The following INPP5A variants were observed in gnomAD, a reference collection of about 807,000 sequenced individuals.
The protein encoded by INPP5A is inositol polyphosphate-5-phosphatase A.
Under a neutral mutation model 65.2 loss-of-function variants are expected in INPP5A, and 14 were observed. The observed-to-expected ratio is 0.21, with a 90% CI of 0.14 to 0.34. The LOEUF (loss-of-function observed/expected upper bound fraction) is 0.34, where lower values mean the gene tolerates loss of function less well. INPP5A is among the 10% of genes least tolerant of loss of function. The pLI, the probability that INPP5A is intolerant of heterozygous loss-of-function variation, is 1.00. For synonymous variants in INPP5A, 207 were observed against 208.3 expected, an observed-to-expected ratio of 0.99 and a Z score of 0.05; for missense variants, 431 against 545.6, an observed-to-expected ratio of 0.79 and a Z score of 2.09.
intron 2 of INPP5A, among the ~76,000 whole-genome samples, chr10:132,645,184 A>G (rs1289786165): frequency 6.7e-6 from 1 of 148,588 alleles, no homozygotes; most frequent in African/African-American, 2.5e-5. Flanking sequence ...GGGACCTCAG[A>G]GACATGTCGG....
At chr10:132,710,640 G>A (rs1221003446) in intron 8 of INPP5A, among the ~76,000 whole-genome samples, 184 bp downstream of exon 8, 3 of 151,540 alleles carry the variant, frequency 2.0e-5, no homozygotes, top group African/African-American at 4.9e-5. Context: ...GCAGGTAGGT[G>A]TGCTGGGCAG....
At chr10:132,598,500 G>A (rs578094752) in intron 1 of INPP5A, among the ~76,000 whole-genome samples, 1 of 152,274 alleles carries the variant, frequency 6.6e-6, no homozygotes, top group Admixed American at 6.5e-5. Context: ...TACATTCTTT[G>A]TCTTTTTGTG....
At chr10:132,556,050 G>T (rs886398980) in intron 1 of INPP5A, among the ~76,000 whole-genome samples, 1 of 151,890 alleles carries the variant, frequency 6.6e-6, no homozygotes, top group Admixed American at 6.6e-5. Context: ...GGCCCCTGAA[G>T]TGGAGGAGCC....
At position 132,644,269 on chromosome 10, in the gene INPP5A, C is replaced by T. The variant is rs111443947; in HGVS notation, c.118-1599C>T. On this transcript the variant is annotated intron_variant, in intron 2 of 15. Coordinates refer to ENST00000368594, the MANE Select transcript of INPP5A (RefSeq NM_005539.5). This position sits in a 1 kb window ranked among gnomAD's most constrained non-coding sequence, Gnocchi z 6.5. ...CCCACTCGGTGCATCCACGCAGAGGCGGCTGCGAACTCAGGCACGGCCGCC... is the reference window on the plus strand; with the variant it reads ...CCCACTCGGTGCATCCACGCAGAGGTGGCTGCGAACTCAGGCACGGCCGCC... Among the ~76,000 whole-genome samples the T allele has an allele frequency of 5.4e-3, 819 of 152,324 alleles. 9 individuals are homozygous for T. Among genetic ancestry groups the T allele is most frequent in the African/African-American group, 0.018 (769 of 41,568 alleles).
Position 132,702,000 on chromosome 10 carries a change from C to T in INPP5A, c.474+4081C>T, listed in dbSNP as rs190358238. Among the ~76,000 whole-genome samples, 534 of 152,350 alleles carry T rather than the reference C, an allele frequency of 3.5e-3. 5 individuals are homozygous for T. The highest frequency in any genetic ancestry group is 0.012 in the African/African-American group (515 of 41,580). ...CTCTGTGAGGACTCTCCCTGCACCGCGCATCCCACCCTAAACCCAAGGATG... is the reference window on the plus strand; with the variant it reads ...CTCTGTGAGGACTCTCCCTGCACCGTGCATCCCACCCTAAACCCAAGGATG... On this transcript the variant is annotated intron_variant, in intron 6 of 15. Transcript: ENST00000368594.
At chr10:132,576,564 C>T (rs1166939995) in intron 1 of INPP5A, among the ~76,000 whole-genome samples, 4 of 152,226 alleles carry the variant, frequency 2.6e-5, no homozygotes, top group Non-Finnish European at 5.9e-5. Context: ...CATCCACCCT[C>T]TCTGGGGCCT....
chr10:132,623,185 A>G (rs935845583), intron 2 of INPP5A, among the ~76,000 whole-genome samples: 1 of 152,262 alleles, frequency 6.6e-6, no homozygotes, highest in African/African-American at 2.4e-5. Context: ...TAGAATAGCC[A>G]GAACAGTTAA....
At chr10:132,749,149 C>T (rs1295869310) in intron 9 of INPP5A, among the ~76,000 whole-genome samples, 5 of 152,254 alleles carry the variant, frequency 3.3e-5, no homozygotes, top group African/African-American at 9.6e-5. Flanking sequence ...AGAGAGCGAG[C>T]GGGAGGAGGC....
At chr10:132,631,364 C>T (rs535839609) in intron 2 of INPP5A, among the ~76,000 whole-genome samples, 2 of 152,168 alleles carry the variant, frequency 1.3e-5, no homozygotes, top group Non-Finnish European at 1.5e-5. Context: ...AGCCCAGCCC[C>T]GAAGGGACCT....
At chr10:132,599,498 C>T (rs958564544) in intron 1 of INPP5A, among the ~76,000 whole-genome samples, 17 of 152,356 alleles carry the variant, frequency 1.1e-4, no homozygotes, top group African/African-American at 3.6e-4. Flanking sequence ...GCCTCCCTCT[C>T]GGCTGCTTTC....
chr10:132,731,294 G>A (rs569654573), intron 9 of INPP5A, among the ~76,000 whole-genome samples: 231 of 151,510 alleles, frequency 1.5e-3, no homozygotes, highest in Non-Finnish European at 1.5e-3. Context: ...CGCATCAGGC[G>A]CCCCCTCCCA....
At chr10:132,747,379 A>G (rs757731149) in intron 9 of INPP5A, among the ~76,000 whole-genome samples, 3 of 152,370 alleles carry the variant, frequency 2.0e-5, no homozygotes, top group East Asian at 1.9e-4. Flanking sequence ...CGGAATGTCA[A>G]TGGCCTGCCC....
intron 9 of INPP5A, among the ~76,000 whole-genome samples, chr10:132,732,185 C>T (rs1474799126): frequency 6.6e-6 from 1 of 152,218 alleles, no homozygotes; most frequent in African/African-American, 2.4e-5. Flanking sequence ...GCTGGACAGA[C>T]GTGGGTCTTA....
At chr10:132,621,772 AG>A (rs144272708) in intron 2 of INPP5A, among the ~76,000 whole-genome samples, 3 of 147,530 alleles carry the variant, frequency 2.0e-5, no homozygotes, top group Non-Finnish European at 3.0e-5. Flanking sequence ...GAAAATCGTG[AG>A]GGGGGTATGT....
intron 2 of INPP5A, among the ~76,000 whole-genome samples, chr10:132,625,840 CTGTG>C (rs139839964): frequency 0.17 from 24,800 of 146,482 alleles, 2,253 homozygotes; most frequent in East Asian, 0.31. Context: ...GGCAGGACTT[CTGTG>C]TGTGTGTGTG....
intron 4 of INPP5A, among the ~76,000 whole-genome samples, chr10:132,665,114 G>A (rs941390739): frequency 7.2e-5 from 11 of 152,228 alleles, no homozygotes; most frequent in Non-Finnish European, 1.0e-4. Context: ...TGAAGGAAAC[G>A]AAGCTGGAGC....
chr10:132,598,114 T>TTTCTCTTTTTTTCATTTTATA (rs2071731254), intron 1 of INPP5A, among the ~76,000 whole-genome samples: 1 of 152,250 alleles, frequency 6.6e-6, no homozygotes, highest in Admixed American at 6.5e-5. Context: ...GGGTCAGAAC[T>TTTCTCTTTTTTTCATTTTATA]TTCTCTTTTT....
At chr10:132,641,254 C>T (rs900277342) in intron 2 of INPP5A, among the ~76,000 whole-genome samples, 1 of 152,184 alleles carries the variant, frequency 6.6e-6, no homozygotes, top group Non-Finnish European at 1.5e-5. Flanking sequence ...GTTTTCCAAA[C>T]AATGTCGGGA....
chr10:132,752,968 T>C (rs1846523646), intron 11 of INPP5A, among the ~76,000 whole-genome samples: 1 of 152,128 alleles, frequency 6.6e-6, no homozygotes, highest in African/African-American at 2.4e-5. Flanking sequence ...TGCGGAGGCC[T>C]GGTGCACTGT....
Sources: gnomAD v4.1 joint callset for allele counts (sites outside exome capture counted in the v4.1 genomes callset) on GRCh38, gnomAD v4.1.1 for gene constraint, Gnocchi (gnomAD v3.1) non-coding constraint, MANE v1.5 for transcripts, NCBI Gene and HGNC (gene_info 2026-07-23, HGNC 2026-07-21) for gene names.